The following SSBP2 variants were observed in gnomAD, a reference collection of about 807,000 sequenced individuals.
SSBP2 encodes the protein single stranded DNA binding protein 2.
SSBP2 carries 17 observed loss-of-function variants against 61.8 expected under a neutral mutation model. That is an observed-to-expected ratio of 0.28 (90% CI 0.19 to 0.41). The LOEUF is 0.41. SSBP2 is among the 10% of genes least tolerant of loss of function. The pLI is 1.00. For synonymous variants in SSBP2, 139 were observed against 141.3 expected (o/e 0.98, Z 0.12); for missense variants, 310 against 458.7 (o/e 0.68, Z 2.96).
At chr5:81,431,421 C>A (rs1762278794) in intron 15 of SSBP2, among the ~76,000 whole-genome samples, 1 of 152,030 alleles carries the variant, frequency 6.6e-6, no homozygotes, top group Non-Finnish European at 1.5e-5. Context: ...GTTGGAAATT[C>A]TCTTAAGCTA....
At chr5:81,505,469 T>C (rs1300347513) in intron 5 of SSBP2, among the ~76,000 whole-genome samples, 1 of 152,196 alleles carries the variant, frequency 6.6e-6, no homozygotes, top group Non-Finnish European at 1.5e-5. Flanking sequence ...TGCCTGTTCC[T>C]TATCTTTAAT....
chr5:81,527,763 C>T (rs1051784735), intron 4 of SSBP2, among the ~76,000 whole-genome samples: 1 of 151,638 alleles, frequency 6.6e-6, no homozygotes. Context: ...GGAGGAAGAG[C>T]ATTAGGACAA....
chr5:81,660,707 T>G (rs943800120), intron 1 of SSBP2, among the ~76,000 whole-genome samples: 1 of 152,136 alleles, frequency 6.6e-6, no homozygotes, highest in Non-Finnish European at 1.5e-5. Context: ...CATATGCACA[T>G]GTATGTTTAC....
chr5:81,603,416 G>C (rs908384357), intron 4 of SSBP2, among the ~76,000 whole-genome samples: 2 of 152,096 alleles, frequency 1.3e-5, no homozygotes, highest in African/African-American at 2.4e-5. Flanking sequence ...AAGCCTCAAG[G>C]CTTCTTCTGA....
chr5:81,712,002 T>A (rs1452344739), intron 1 of SSBP2, among the ~76,000 whole-genome samples: 1 of 151,920 alleles, frequency 6.6e-6, no homozygotes, highest in African/African-American at 2.4e-5. Flanking sequence ...ATTTTTATTA[T>A]CACTGTTGCT....
chr5:81,469,663 C>T (rs1765122114), intron 8 of SSBP2, among the ~76,000 whole-genome samples: 2 of 151,810 alleles, frequency 1.3e-5, no homozygotes, highest in African/African-American at 4.8e-5. Flanking sequence ...AGTAGGCCTT[C>T]CATGAATGAT....
At chr5:81,626,513 G>GC in intron 3 of SSBP2, among the ~76,000 whole-genome samples, 1 of 152,132 alleles carries the variant, frequency 6.6e-6, no homozygotes, top group Non-Finnish European at 1.5e-5. Flanking sequence ...AGTTCTTAAT[G>GC]CAAGACTCCT....
intron 3 of SSBP2, among the ~76,000 whole-genome samples, chr5:81,630,499 G>A (rs529334580): frequency 6.6e-6 from 1 of 152,270 alleles, no homozygotes; most frequent in South Asian, 2.1e-4. Flanking sequence ...CAAAGAGTAT[G>A]TCAGTAGCTT....
At chr5:81,751,438 C>A (rs1306206854), upstream of SSBP2, among the ~76,000 whole-genome samples, 1 of 152,220 alleles carries the variant, frequency 6.6e-6, no homozygotes, top group African/African-American at 2.4e-5. Flanking sequence ...GCCGCCACCC[C>A]TCCCCCCGCG....
intron 1 of SSBP2, among the ~76,000 whole-genome samples, chr5:81,656,302 A>G (rs951795459): frequency 1.3e-5 from 2 of 152,094 alleles, no homozygotes; most frequent in East Asian, 3.9e-4. Flanking sequence ...CGCCCACCTC[A>G]GCCTCCCAAA....
At chr5:81,738,922 T>TG (rs1271935736) in intron 1 of SSBP2, among the ~76,000 whole-genome samples, 11 of 152,062 alleles carry the variant, frequency 7.2e-5, no homozygotes, top group Non-Finnish European at 1.3e-4. Flanking sequence ...CCCAGCACTT[T>TG]GGGTGGCTGA....
chr5:81,696,431 G>A (rs987987431), intron 1 of SSBP2, among the ~76,000 whole-genome samples: 10 of 152,058 alleles, frequency 6.6e-5, no homozygotes, highest in South Asian at 2.1e-4. Context: ...TCTCACTGCC[G>A]ATGAGCTACA....
rs1221863593 is a variant in SSBP2 at position 81,416,117 on chromosome 5, G to C, written c.*4387C>G. ...CTGTAATCCAGCTACTCTGGAGGCTGAGGCAGGAGAATCTCTGGAACCTGG... is the reference window on the plus strand; with the variant it reads ...CTGTAATCCAGCTACTCTGGAGGCTCAGGCAGGAGAATCTCTGGAACCTGG... On this transcript the variant is annotated 3_prime_UTR_variant, in exon 17 of 17. Transcript: ENST00000320672. 6.6e-6 allele frequency: 1 copy of C among 151,304 alleles called. No individual in the cohort carries two copies. The highest frequency in any genetic ancestry group is 2.1e-4 in the South Asian group (1 of 4,794). 9.4% of individuals were successfully genotyped at this position (151,304 alleles called of 1,614,324 possible).
At chr5:81,470,783 T>A (rs1161411096) in intron 8 of SSBP2, among the ~76,000 whole-genome samples, 1 of 151,970 alleles carries the variant, frequency 6.6e-6, no homozygotes, top group Non-Finnish European at 1.5e-5. Flanking sequence ...GGACAGCATC[T>A]GTATGATTAA....
intron 4 of SSBP2, among the ~76,000 whole-genome samples, chr5:81,521,811 T>C (rs1243850998): frequency 6.6e-6 from 1 of 151,956 alleles, no homozygotes; most frequent in Non-Finnish European, 1.5e-5. Flanking sequence ...AAAGCAAAGA[T>C]CTGGTAAACC....
intron 11 of SSBP2, among the ~76,000 whole-genome samples, chr5:81,448,254 T>C (rs1404484494): frequency 6.6e-6 from 1 of 152,174 alleles, no homozygotes; most frequent in Non-Finnish European, 1.5e-5. Flanking sequence ...TGACTTCACA[T>C]TGACATGAAT....
chr5:81,714,785 T>C (rs1447406988), intron 1 of SSBP2, among the ~76,000 whole-genome samples: 1 of 152,256 alleles, frequency 6.6e-6, no homozygotes, highest in Non-Finnish European at 1.5e-5. Flanking sequence ...TTGTAGATTC[T>C]GGATATTAGC....
chr5:81,456,272 A>G (rs1262478316), intron 10 of SSBP2, among the ~76,000 whole-genome samples: 4 of 151,626 alleles, frequency 2.6e-5, no homozygotes, highest in Admixed American at 2.6e-4. Flanking sequence ...ATAATGCTAT[A>G]CTGAACATTT....
intron 4 of SSBP2, among the ~76,000 whole-genome samples, chr5:81,609,316 A>C (rs1561600227): frequency 6.6e-6 from 1 of 152,146 alleles, no homozygotes; most frequent in East Asian, 1.9e-4. Flanking sequence ...AACTTCATCC[A>C]GTTTCTCTGA....
Sources: gnomAD v4.1 joint callset for allele counts (sites outside exome capture counted in the v4.1 genomes callset) on GRCh38, gnomAD v4.1.1 for gene constraint, MANE v1.5 for transcripts, NCBI Gene and HGNC (gene_info 2026-07-23, HGNC 2026-07-21) for gene names.